Variants in ZC3H11A observed in about 807,000 individuals in gnomAD.
ZC3H11A encodes zinc finger CCCH-type containing 11A, also known as zinc finger CCCH domain-containing protein 11A.
In ZC3H11A, 22 loss-of-function variants were observed where a neutral mutation model predicts 90.8. The ratio of observed to expected loss-of-function variants is 0.24; its 90% confidence interval spans 0.17 to 0.35. The LOEUF is 0.35. ZC3H11A is among the 10% of genes least tolerant of loss of function. The pLI is 1.00. For synonymous variants in ZC3H11A, 294 were observed against 339.8 expected (o/e 0.87, Z 1.48); for missense variants, 701 against 964.9 (o/e 0.73, Z 3.62).
At chr1:203,839,065 AG>A (rs1464181987) in intron 11 of ZC3H11A, among the ~76,000 whole-genome samples, 1 of 152,150 alleles carries the variant, frequency 6.6e-6, no homozygotes, top group Non-Finnish European at 1.5e-5. Context: ...ACAGATTAGA[AG>A]GGGGCAAGCA....
At chr1:203,833,978 T>A in intron 10 of ZC3H11A, 125 bp downstream of exon 10, 1 of 1,394,446 alleles carries the variant, frequency 7.2e-7, no homozygotes, top group Non-Finnish European at 9.3e-7. Flanking sequence ...AAAGCACTTA[T>A]AAATTCCTCA....
rs766426267 is a variant in ZC3H11A, at chr1:203,840,409, T to G, written c.1042+35T>G. ...TCCTAAGACCAGATTCTGATTATTTTTTTCTTTGCTGTAAGAGCCTTTGCT... is the reference window on the plus strand; with the variant it reads ...TCCTAAGACCAGATTCTGATTATTTGTTTCTTTGCTGTAAGAGCCTTTGCT... On this transcript the variant is annotated intron_variant, in intron 12 of 17. Coordinates refer to ENST00000367210, the MANE Select transcript of ZC3H11A (RefSeq NM_001376342.1). 13 of 1,594,374 alleles carry G rather than the reference T, an allele frequency of 8.2e-6. No homozygotes were observed. The East Asian group carries it at 2.9e-4, about 36-fold the overall frequency.
chr1:203,807,341 A>C (rs1229328570), intron 2 of ZC3H11A, among the ~76,000 whole-genome samples: 1 of 152,206 alleles, frequency 6.6e-6, no homozygotes, highest in Non-Finnish European at 1.5e-5. Flanking sequence ...GTTGGAATAC[A>C]GTGATGTGAT....
At chr1:203,844,707 A>T (rs1021983003) in intron 12 of ZC3H11A, among the ~76,000 whole-genome samples, 8 of 152,122 alleles carry the variant, frequency 5.3e-5, no homozygotes, top group Admixed American at 2.6e-4. Flanking sequence ...GTGTACTAAC[A>T]GGCAGCTTGT....
chr1:203,835,683 G>A, intron 10 of ZC3H11A: 1 of 247,226 alleles, frequency 4.0e-6, no homozygotes, highest in Non-Finnish European at 8.7e-6. Context: ...GTTTCCATGG[G>A]CTTGAGTTAC....
chr1:203,796,816 T>C (rs1050721969), intron 1 of ZC3H11A: 5 of 181,032 alleles, frequency 2.8e-5, no homozygotes, highest in African/African-American at 1.2e-4. Flanking sequence ...TTTAACCTTG[T>C]TTTAAAATTT....
intron 4 of ZC3H11A, among the ~76,000 whole-genome samples, chr1:203,818,897 A>G (rs567505788): frequency 6.6e-6 from 1 of 151,768 alleles, no homozygotes; most frequent in East Asian, 2.0e-4. Context: ...GTGAAACCCC[A>G]TCTCTACTAA....
At chr1:203,814,373 A>G (rs61827264) in intron 2 of ZC3H11A, among the ~76,000 whole-genome samples, 19,225 of 152,128 alleles carry the variant, frequency 0.13, 1,596 homozygotes, top group East Asian at 0.29. Flanking sequence ...AAAATACAAA[A>G]ATTAGCCATA....
intron 4 of ZC3H11A, among the ~76,000 whole-genome samples, chr1:203,825,115 G>A (rs1243801562): frequency 6.7e-6 from 1 of 148,512 alleles, no homozygotes; most frequent in Non-Finnish European, 1.5e-5. Context: ...TGTTAGATAA[G>A]CTTTGTTCAA....
chr1:203,850,937 C>T, intron 16 of ZC3H11A, 120 bp from the exon 17 acceptor site: 1 of 1,294,080 alleles, frequency 7.7e-7, no homozygotes, highest in Non-Finnish European at 1.1e-6. Context: ...ATTATCGATT[C>T]TTAGATTCAC....
chr1:203,808,006 TG>T (rs1672963101), intron 2 of ZC3H11A, among the ~76,000 whole-genome samples: 1 of 152,152 alleles, frequency 6.6e-6, no homozygotes, highest in African/African-American at 2.4e-5. Context: ...CCTCTCAAAG[TG>T]CTGGCATTAC....
chr1:203,796,695 C>T (rs761400145), intron 1 of ZC3H11A: 1 of 368,742 alleles, frequency 2.7e-6, no homozygotes, highest in Non-Finnish European at 4.8e-6. Flanking sequence ...ATCTCTATAG[C>T]GTACAACTTG....
At chr1:203,841,306 T>C (rs1440006673) in intron 12 of ZC3H11A, among the ~76,000 whole-genome samples, 1 of 152,140 alleles carries the variant, frequency 6.6e-6, no homozygotes, top group Non-Finnish European at 1.5e-5. Flanking sequence ...CCTGCGGCCT[T>C]CTGCAGTGTT....
intron 13 of ZC3H11A, 21 bp from the exon 14 acceptor site, chr1:203,848,310 A>G: frequency 6.3e-7 from 1 of 1,582,616 alleles, no homozygotes; most frequent in South Asian, 1.2e-5. Flanking sequence ...ATAACTAATG[A>G]TGTCTTTAAT....
chr1:203,829,004 A>T (rs1211350003), intron 5 of ZC3H11A, among the ~76,000 whole-genome samples: 5 of 152,240 alleles, frequency 3.3e-5, no homozygotes, highest in Admixed American at 3.3e-4. Context: ...TAAAAGCCAC[A>T]GTTGCTACGT....
intron 4 of ZC3H11A, among the ~76,000 whole-genome samples, chr1:203,820,107 C>T (rs953348931): frequency 3.3e-5 from 5 of 151,652 alleles, no homozygotes; most frequent in Non-Finnish European, 5.9e-5. Flanking sequence ...TGGTGGCACG[C>T]GTCTGTAATC....
chr1:203,828,111 C>T (rs1681157434), intron 4 of ZC3H11A, among the ~76,000 whole-genome samples, 188 bp from the exon 5 acceptor site: 1 of 152,168 alleles, frequency 6.6e-6, no homozygotes, highest in African/African-American at 2.4e-5. Context: ...TACTCTCCTG[C>T]TCCATTCAGC....
At chr1:203,796,161 T>C in intron 1 of ZC3H11A, 1 of 314,970 alleles carries the variant, frequency 3.2e-6, no homozygotes, top group Non-Finnish European at 5.8e-6. Context: ...TTCCCCCGAA[T>C]CCCGAAGAGA....
intron 4 of ZC3H11A, among the ~76,000 whole-genome samples, chr1:203,819,323 G>A (rs1677603319): frequency 1.3e-5 from 2 of 150,242 alleles, no homozygotes; most frequent in South Asian, 4.2e-4. Flanking sequence ...CCAGGTTCAA[G>A]CGATTCTCCT....
Sources: gnomAD v4.1 joint callset for allele counts (sites outside exome capture counted in the v4.1 genomes callset) on GRCh38, gnomAD v4.1.1 for gene constraint, MANE v1.5 for transcripts, NCBI Gene and HGNC (gene_info 2026-07-23, HGNC 2026-07-21) for gene names.